The following SEM1 variants were observed in gnomAD, a reference collection of about 807,000 sequenced individuals.
The protein encoded by SEM1 is 26S proteasome complex subunit SEM1.
In SEM1, 3 loss-of-function variants were observed where a neutral mutation model predicts 12.7. The ratio of observed to expected loss-of-function variants is 0.24; its 90% confidence interval spans 0.11 to 0.61. The LOEUF (loss-of-function observed/expected upper bound fraction) is 0.61, where lower values mean the gene tolerates loss of function less well. SEM1 is among the 20% of genes least tolerant of loss of function. The probability of loss-of-function intolerance (pLI) is 0.88; values close to 1 mark genes in which losing one functional copy is unlikely to be tolerated. For synonymous variants in SEM1, 30 were observed against 27.8 expected (o/e 1.08, Z -0.25); for missense variants, 59 against 81.3 (o/e 0.73, Z 1.06).
intron 2 of SEM1, among the ~76,000 whole-genome samples, chr7:96,519,226 T>A (rs1161840431): frequency 6.6e-6 from 1 of 152,100 alleles, no homozygotes; most frequent in South Asian, 2.1e-4. Flanking sequence ...AGGGAGGTAA[T>A]ATTTACAGAG....
chr7:96,505,107 T>G (rs1410654950), intron 3 of SEM1, among the ~76,000 whole-genome samples: 1 of 151,912 alleles, frequency 6.6e-6, no homozygotes, highest in Non-Finnish European at 1.5e-5. Context: ...TCTATTTATT[T>G]ATTTATTTAT....
At chr7:96,555,122 A>C (rs1805439014) in intron 2 of SEM1, among the ~76,000 whole-genome samples, 1 of 148,516 alleles carries the variant, frequency 6.7e-6, no homozygotes, top group South Asian at 2.3e-4. Flanking sequence ...CGATCTATCA[A>C]TTTTGTTGAT....
chr7:96,567,909 TAC>T (rs778301030), intron 2 of SEM1, among the ~76,000 whole-genome samples: 8 of 151,118 alleles, frequency 5.3e-5, no homozygotes, highest in Non-Finnish European at 8.9e-5. Context: ...AAATGACTGA[TAC>T]ACACACATAC....
Position 96,609,490 on chromosome 7 carries a change from C to G in SEM1, c.170+85308G>C, listed in dbSNP as rs201275261. Among the ~76,000 whole-genome samples, 5 of 152,222 alleles carry G rather than the reference C, an allele frequency of 3.3e-5. No individual in the cohort carries two copies. In the East Asian group the frequency reaches 9.7e-4, roughly 29 times the overall value. On this transcript the variant is annotated intron_variant and NMD_transcript_variant, in intron 2 of 3. Coordinates refer to the SEM1 transcript ENST00000466986. Reference sequence around the variant, plus strand: ...GAGGTAGACATTATGATCATTTTATCGAGATTTAAGATAAAACTGAGGCCC... The same window carrying G: ...GAGGTAGACATTATGATCATTTTATGGAGATTTAAGATAAAACTGAGGCCC...
intron 1 of SEM1, among the ~76,000 whole-genome samples, chr7:96,706,594 A>AAAAAAAAAAAAG (rs1563122448): frequency 3.2e-5 from 4 of 123,536 alleles, no homozygotes; most frequent in Admixed American, 8.4e-5. Flanking sequence ...AAAAAAAAAA[A>AAAAAAAAAAAAG]AGAGAGAGAG....
At chr7:96,645,538 G>C in intron 2 of SEM1, 1 of 383,498 alleles carries the variant, frequency 2.6e-6, no homozygotes. Context: ...CAATAAAAGA[G>C]GACAGCTTAT....
chr7:96,485,525 A>T (rs1802715516), intron 2 of SEM1, among the ~76,000 whole-genome samples: 1 of 136,794 alleles, frequency 7.3e-6, no homozygotes, highest in Non-Finnish European at 1.5e-5. Flanking sequence ...TAATCTTCCC[A>T]TCTCTACATT....
At chr7:96,552,489 T>C (rs1436932527) in intron 2 of SEM1, among the ~76,000 whole-genome samples, 2 of 150,454 alleles carry the variant, frequency 1.3e-5, no homozygotes, top group Admixed American at 6.6e-5. Flanking sequence ...TGATTTCCAA[T>C]TTCATCCATG....
chr7:96,705,729 A>G (rs1323021485), intron 1 of SEM1, among the ~76,000 whole-genome samples: 1 of 151,682 alleles, frequency 6.6e-6, no homozygotes, highest in Non-Finnish European at 1.5e-5. Flanking sequence ...CTGAGGCAGG[A>G]GAATGGTGTG....
At chr7:96,533,034 C>T (rs536295206) in intron 2 of SEM1, among the ~76,000 whole-genome samples, 6 of 152,212 alleles carry the variant, frequency 3.9e-5, no homozygotes, top group African/African-American at 1.4e-4. Context: ...AATATTTTCA[C>T]TTGCCTTTAA....
At chr7:96,531,788 G>A (rs1804651529) in intron 2 of SEM1, among the ~76,000 whole-genome samples, 1 of 151,964 alleles carries the variant, frequency 6.6e-6, no homozygotes, top group African/African-American at 2.4e-5. Context: ...CAAGAATCTA[G>A]ACATTTCAGA....
At chr7:96,596,112 G>A (rs1356753419) in intron 2 of SEM1, among the ~76,000 whole-genome samples, 2 of 152,214 alleles carry the variant, frequency 1.3e-5, no homozygotes, top group African/African-American at 4.8e-5. Flanking sequence ...TCTAAGTGGT[G>A]CTTAAACATA....
intron 2 of SEM1, among the ~76,000 whole-genome samples, chr7:96,589,842 T>A (rs1057358114): frequency 1.3e-5 from 2 of 152,192 alleles, no homozygotes; most frequent in Non-Finnish European, 2.9e-5. Context: ...CTCCATTTGC[T>A]TTTCTCATAA....
intron 1 of SEM1, among the ~76,000 whole-genome samples, chr7:96,493,522 A>G (rs985947381): frequency 1.3e-5 from 2 of 152,120 alleles, no homozygotes; most frequent in Non-Finnish European, 2.9e-5. Flanking sequence ...TAATTCTGCC[A>G]TAACCTCAGC....
intron 2 of SEM1, among the ~76,000 whole-genome samples, chr7:96,624,978 G>C (rs1808012457): frequency 6.6e-6 from 1 of 152,174 alleles, no homozygotes; most frequent in South Asian, 2.1e-4. Context: ...TATCTAGAAA[G>C]CTGTTTCAAT....
At chr7:96,542,172 A>AT (rs1804978014) in intron 2 of SEM1, among the ~76,000 whole-genome samples, 1 of 151,710 alleles carries the variant, frequency 6.6e-6, no homozygotes, top group African/African-American at 2.4e-5. Flanking sequence ...ATAGCATTGA[A>AT]CCTATGGATT....
intron 2 of SEM1, among the ~76,000 whole-genome samples, chr7:96,642,851 G>A (rs1808657536): frequency 6.6e-6 from 1 of 151,514 alleles, no homozygotes; most frequent in Non-Finnish European, 1.5e-5. Flanking sequence ...TTTCTTCCAA[G>A]TCCTCAGCAT....
chr7:96,576,877 G>A (rs1192788159), intron 2 of SEM1, among the ~76,000 whole-genome samples: 1 of 152,080 alleles, frequency 6.6e-6, no homozygotes, highest in Non-Finnish European at 1.5e-5. Flanking sequence ...CAGCACTTTC[G>A]GAGGCCGAGG....
At chr7:96,510,295 TG>T (rs1028459748) in intron 2 of SEM1, among the ~76,000 whole-genome samples, 4 of 152,162 alleles carry the variant, frequency 2.6e-5, no homozygotes, top group African/African-American at 9.7e-5. Flanking sequence ...TTTGTCGTTG[TG>T]CAAACATCAT....
Sources: allele counts gnomAD v4.1 joint callset (sites outside exome capture counted in the v4.1 genomes callset), GRCh38; gene constraint gnomAD v4.1.1; transcripts MANE v1.5; gene names NCBI Gene and HGNC (gene_info 2026-07-23, HGNC 2026-07-21).